The following EVI5 variants were observed in gnomAD, a reference collection of about 807,000 sequenced individuals.
EVI5 encodes the protein ecotropic viral integration site 5 protein homolog.
EVI5 carries 73 observed loss-of-function variants against 112.0 expected under a neutral mutation model. The ratio of observed to expected loss-of-function variants is 0.65; its 90% CI spans 0.54 to 0.79. EVI5 has a LOEUF of 0.79. EVI5 is among the 30% of genes least tolerant of loss of function. The pLI, the probability that EVI5 is intolerant of heterozygous loss-of-function variation, is 0.00. For missense variants in EVI5, 900 were observed against 968.8 expected, an observed-to-expected ratio of 0.93 and a Z score of 0.94; for synonymous variants, 305 against 319.9, an observed-to-expected ratio of 0.95 and a Z score of 0.50.
intron 14 of EVI5, among the ~76,000 whole-genome samples, chr1:92,634,384 A>G (rs1240270292): frequency 1.3e-5 from 2 of 152,046 alleles, no homozygotes; most frequent in Admixed American, 6.5e-5. Context: ...GTTTCTTTTT[A>G]TTCTTTTTTC....
At chr1:92,515,771 A>T (rs1394979813) in intron 19 of EVI5, among the ~76,000 whole-genome samples, 1 of 152,186 alleles carries the variant, frequency 6.6e-6, no homozygotes, top group Non-Finnish European at 1.5e-5. Context: ...GCCTCACCAT[A>T]ATACCTCCCA....
chr1:92,678,025 G>A (rs1209848559), intron 9 of EVI5, among the ~76,000 whole-genome samples: 2 of 152,070 alleles, frequency 1.3e-5, no homozygotes, highest in Admixed American at 6.6e-5. Flanking sequence ...CATAAAGATG[G>A]GAACAACAGA....
rs751037871 is a variant in EVI5 at position 92,779,908 on chromosome 1, T to C, written c.-82+4928A>G. On this transcript the variant is annotated intron_variant, in intron 1 of 19. Transcript: ENST00000684568. Reference sequence around the variant, plus strand: ...GGTTTAAAGTTTATGTAAGGTACAGTTGGACTCTAGTCTAGGTTCCCTCCT... The same window carrying C: ...GGTTTAAAGTTTATGTAAGGTACAGCTGGACTCTAGTCTAGGTTCCCTCCT... Among the ~76,000 whole-genome samples the C allele has an allele frequency of 4.6e-5, 7 of 152,248 alleles. No homozygotes were observed. In the East Asian group the frequency reaches 7.7e-4, roughly 17 times the overall value.
At chr1:92,657,207 T>G (rs1312652806) in intron 13 of EVI5, among the ~76,000 whole-genome samples, 1 of 152,148 alleles carries the variant, frequency 6.6e-6, no homozygotes, top group Non-Finnish European at 1.5e-5. Flanking sequence ...ACTGCAGGGA[T>G]GCAAGGATGG....
rs1004617891 is a variant in EVI5, at chr1:92,689,298, C to T, written c.1097+4504G>A. 1.4e-4 allele frequency among the ~76,000 whole-genome samples: 21 copies of T among 151,902 alleles called. 1 individual carries two copies. Among genetic ancestry groups the T allele is most frequent in the African/African-American group, 5.1e-4 (21 of 41,350 alleles). ...TGTAAGTCCTTAATAATGCCCCCTG[C>T]TACTGGTAAAAATTAAGTAGATTGG... On this transcript the variant is annotated intron_variant, in intron 9 of 19. Transcript: ENST00000684568.
intron 14 of EVI5, among the ~76,000 whole-genome samples, chr1:92,635,154 C>T (rs922707861): frequency 1.3e-5 from 2 of 152,194 alleles, no homozygotes; most frequent in South Asian, 2.1e-4. Flanking sequence ...GGCAGTCTGT[C>T]GGTTCTCAGA....
intron 2 of EVI5, among the ~76,000 whole-genome samples, chr1:92,724,069 G>C (rs1349805758): frequency 6.6e-6 from 1 of 152,140 alleles, no homozygotes; most frequent in African/African-American, 2.4e-5. Context: ...GTGGGACATA[G>C]ACCCTCATCA....
intron 1 of EVI5, among the ~76,000 whole-genome samples, chr1:92,753,650 A>G (rs76695961): frequency 6.6e-6 from 1 of 152,304 alleles, no homozygotes; most frequent in East Asian, 1.9e-4. Context: ...CACTCATCAC[A>G]TGTAGCTAGG....
intron 16 of EVI5, among the ~76,000 whole-genome samples, chr1:92,612,876 T>C (rs1397973883): frequency 6.6e-6 from 1 of 152,056 alleles, no homozygotes; most frequent in Admixed American, 6.6e-5. Flanking sequence ...TGGTGGAAGC[T>C]AAGTATTGGC....
chr1:92,559,509 C>G (rs1668185751), intron 19 of EVI5, among the ~76,000 whole-genome samples: 2 of 152,094 alleles, frequency 1.3e-5, no homozygotes, highest in Non-Finnish European at 2.9e-5. Context: ...CATGGTGGCT[C>G]ATGCCTGTAA....
intron 18 of EVI5, among the ~76,000 whole-genome samples, chr1:92,564,468 C>A (rs990158334): frequency 6.6e-6 from 1 of 151,920 alleles, no homozygotes; most frequent in Non-Finnish European, 1.5e-5. Flanking sequence ...CCAAATCACT[C>A]TAAAAAGGGG....
intron 1 of EVI5, among the ~76,000 whole-genome samples, chr1:92,764,979 A>G (rs1682386919): frequency 6.6e-6 from 1 of 152,184 alleles, no homozygotes; most frequent in Non-Finnish European, 1.5e-5. Context: ...TTCTGCTACT[A>G]GGCCAACCTA....
intron 13 of EVI5, among the ~76,000 whole-genome samples, chr1:92,653,239 G>C (rs1021902224): frequency 1.3e-5 from 2 of 152,226 alleles, no homozygotes; most frequent in Admixed American, 6.5e-5. Context: ...CATCTGCTCA[G>C]ATTGTGGCAG....
chr1:92,536,855 A>AT (rs553986564), intron 19 of EVI5, among the ~76,000 whole-genome samples: 9 of 151,528 alleles, frequency 5.9e-5, no homozygotes, highest in African/African-American at 1.2e-4. Flanking sequence ...ATTACAGTTG[A>AT]TTTTTTTTTA....
At chr1:92,540,238 T>G (rs1377972384) in intron 19 of EVI5, among the ~76,000 whole-genome samples, 1 of 152,240 alleles carries the variant, frequency 6.6e-6, no homozygotes, top group African/African-American at 2.4e-5. Flanking sequence ...AGCAACTCTA[T>G]GTTTACCATT....
At chr1:92,530,348 T>C (rs781018790) in intron 19 of EVI5, among the ~76,000 whole-genome samples, 13 of 151,964 alleles carry the variant, frequency 8.6e-5, no homozygotes, top group East Asian at 1.9e-4. Flanking sequence ...GAAGGGGCGG[T>C]TGGGGGCACA....
chr1:92,519,618 T>C (rs1403820570), intron 19 of EVI5, among the ~76,000 whole-genome samples: 1 of 151,964 alleles, frequency 6.6e-6, no homozygotes, highest in Non-Finnish European at 1.5e-5. Flanking sequence ...GTTGGCCGGG[T>C]GCAGTGGCTC....
rs1442549073 is a variant in EVI5, at chr1:92,693,873, C to T, written c.1026G>A (p.Gln342=). The T allele has an allele frequency of 2.5e-6, 4 of 1,602,284 alleles. No homozygotes were observed. The highest frequency in any genetic ancestry group is 3.4e-6 in the Non-Finnish European group (4 of 1,170,204). ...TTAGCTTGTCTGGGACACCATCAAACTGATGTGGAATGACCTTTTGAAAGT... is the reference window on the plus strand; with the variant it reads ...TTAGCTTGTCTGGGACACCATCAAATTGATGTGGAATGACCTTTTGAAAGT... The part of the protein sequence containing the change: ...LQHFQKVIPH[Q]FDGVPDKLIQ... The change falls in exon 9 of 20, where the codon CAG becomes CAA. Residue 342 remains glutamine (Q), a synonymous_variant. Coordinates refer to ENST00000684568, the MANE Select transcript of EVI5 (RefSeq NM_001350197.2).
At chr1:92,515,044 C>A (rs1311965987) in intron 19 of EVI5, among the ~76,000 whole-genome samples, 6 of 152,094 alleles carry the variant, frequency 3.9e-5, no homozygotes, top group Non-Finnish European at 7.4e-5. Context: ...CCCAACTCCC[C>A]CTGGGGAGAA....
Sources: allele counts gnomAD v4.1 joint callset (sites outside exome capture counted in the v4.1 genomes callset), GRCh38; gene constraint gnomAD v4.1.1; transcripts MANE v1.5; gene names NCBI Gene and HGNC (gene_info 2026-07-23, HGNC 2026-07-21).